Variants in ERICH5 observed in about 807,000 individuals in gnomAD.
ERICH5 encodes the protein glutamate rich 5, also known as glutamate-rich protein 5.
ERICH5 carries 24 observed loss-of-function variants against 28.0 expected under a neutral mutation model. The observed-to-expected ratio is 0.86, with a 90% CI of 0.62 to 1.21. The LOEUF is 1.21. Among genes scored for constraint, ERICH5 ranks in the 50% most tolerant of loss-of-function variants. ERICH5 has a pLI of 0.00. For missense variants in ERICH5, 421 were observed against 441.2 expected (o/e 0.95, Z 0.41); for synonymous variants, 163 against 157.6 (o/e 1.03, Z -0.25).
chr8:98,089,640 C>T lies in ERICH5; in HGVS notation c.623C>T (p.Thr208Ile). Residue 208 changes from threonine (T) to isoleucine (I), a missense_variant, in exon 2 of 3, where the codon ACA becomes ATA. Physicochemically the swap from Thr to Ile is moderately conservative, Grantham distance 89. Transcript: ENST00000318528. ...QIAGELQPQG[T>I]VGKDEQAPLL... ...GCTGGAGAGCTACAACCTCAGGGCA[C>T]AGTGGGAAAGGATGAGCAGGCCCCG... 6.2e-7 allele frequency: 1 copy of T among 1,614,006 alleles called. No individual in the cohort carries two copies. The highest frequency in any genetic ancestry group is 8.5e-7 in the Non-Finnish European group (1 of 1,179,958).
rs1563751214 is a variant in ERICH5 at position 98,064,676 on chromosome 8, TGCTCCAGCAGC to T, written c.10_20del (p.Ser4ProfsTer17). 1 of 1,535,220 alleles carries T rather than the reference TGCTCCAGCAGC, an allele frequency of 6.5e-7. No individual in the cohort carries two copies. Among genetic ancestry groups the T allele is most frequent in the African/African-American group, 1.4e-5 (1 of 72,892 alleles). ...GGTGTCTGCGCTCCCCGCAATGGGC[TGCTCCAGCAGC>T]GCCCTCAACAAGGCCGGCGACAGCA... On this transcript the variant is annotated frameshift_variant, in exon 1 of 3. Coordinates refer to ENST00000318528, the MANE Select transcript of ERICH5 (RefSeq NM_173549.3). LOFTEE classifies it high-confidence loss of function.
chr8:98,073,085 G>A (rs1483443684), intron 1 of ERICH5, among the ~76,000 whole-genome samples: 1 of 152,022 alleles, frequency 6.6e-6, no homozygotes, highest in African/African-American at 2.4e-5. Context: ...TCAACTGAAA[G>A]ACAGTATAGA....
At chr8:98,087,045 T>C (rs1815294649) in intron 1 of ERICH5, among the ~76,000 whole-genome samples, 2 of 151,510 alleles carry the variant, frequency 1.3e-5, no homozygotes, top group South Asian at 4.2e-4. Context: ...TTATCTTCCA[T>C]AGTAAAAGTT....
intron 1 of ERICH5, among the ~76,000 whole-genome samples, chr8:98,083,304 TATCACCAGACCATC>T (rs926803442): frequency 6.6e-6 from 1 of 152,214 alleles, no homozygotes; most frequent in African/African-American, 2.4e-5. Context: ...CTAAGGCAAT[TATCACCAGACCATC>T]ATTTGTGTGA....
At chr8:98,075,514 T>C (rs543406376) in intron 1 of ERICH5, among the ~76,000 whole-genome samples, 5 of 151,214 alleles carry the variant, frequency 3.3e-5, no homozygotes. Context: ...TTATGTTTCC[T>C]AAGCATGGAA....
chr8:98,089,991 G>T lies in ERICH5; in HGVS notation c.974G>T (p.Arg325Met). ...GCAGGAGCATATGTGGAAATGATCA[G>T]GAACATCCATACTAATGAAGAGGAC... ...VEAGAYVEMI[R>M]NIHTNEEDQR... Residue 325 changes from arginine to methionine, a missense_variant, in exon 2 of 3, where the codon AGG becomes ATG. Physicochemically the swap from Arg to Met is moderately conservative, Grantham distance 91. Transcript: ENST00000318528. 6.2e-7 allele frequency: 1 copy of T among 1,613,716 alleles called. No homozygotes were observed. The highest frequency in any genetic ancestry group is 8.5e-7 in the Non-Finnish European group (1 of 1,179,946).
intron 1 of ERICH5, among the ~76,000 whole-genome samples, chr8:98,087,924 A>T (rs914559360): frequency 2.0e-5 from 3 of 152,082 alleles, no homozygotes; most frequent in Non-Finnish European, 4.4e-5. Context: ...TTTTGCTGCT[A>T]TAAAAAACAA....
chr8:98,093,156 T>G lies in ERICH5; in HGVS notation c.1013-65T>G. 6 of 1,152,766 alleles carry G rather than the reference T, an allele frequency of 5.2e-6. No individual in the cohort carries two copies. The South Asian group carries it at 8.5e-5, about 16-fold the overall frequency. 71.4% of individuals were successfully genotyped at this position (1,152,766 alleles called of 1,614,324 possible). The stretch of plus-strand genomic sequence containing the variant: ...AGAACTGCCCCCATTGGAGACAAAC[T>G]GTGGGATAATTTATGTTAATTCTAA... On this transcript the variant is annotated intron_variant, in intron 2 of 2. Transcript: ENST00000318528.
At chr8:98,068,765 C>T (rs1436750652) in intron 1 of ERICH5, among the ~76,000 whole-genome samples, 1 of 152,088 alleles carries the variant, frequency 6.6e-6, no homozygotes, top group Non-Finnish European at 1.5e-5. Context: ...GTGTTACAGC[C>T]CAAGCACCAA....
chr8:98,091,836 TTTTCTTTC>T (rs3074382), intron 2 of ERICH5, among the ~76,000 whole-genome samples: 3,809 of 107,126 alleles, frequency 0.036, 115 homozygotes, highest in Non-Finnish European at 0.042. Context: ...TTCTTTTTCT[TTTTCTTTC>T]TTTCTTTCTT....
In ERICH5 at chr8:98,064,741, C is replaced by T. The variant is rs923752707; in HGVS notation, c.58+14C>T. The T allele has an allele frequency of 2.0e-6, 3 of 1,523,756 alleles. No homozygotes were observed. Among genetic ancestry groups the T allele is most frequent in the African/African-American group, 1.4e-5 (1 of 72,616 alleles). 94.4% of individuals were successfully genotyped at this position (1,523,756 alleles called of 1,614,324 possible). A position where few individuals can be genotyped will look rare whatever the true frequency, so the allele number is the denominator to read the frequency against. On this transcript the variant is annotated intron_variant, in intron 1 of 2. Transcript: ENST00000318528. ...GGTTCCCCAGCGGTGAGCAGGGTAC[C>T]GGCGCCGCCCGCGCCCGGGCTGGGG...
intron 1 of ERICH5, among the ~76,000 whole-genome samples, chr8:98,074,651 G>T (rs1815017549): frequency 1.3e-5 from 2 of 151,694 alleles, no homozygotes; most frequent in Admixed American, 1.3e-4. Flanking sequence ...CTCCTGCCTT[G>T]GCCTCCCTGC....
chr8:98,086,253 C>T lies in ERICH5; in HGVS notation c.59-2823C>T, dbSNP rs572290663. Among the ~76,000 whole-genome samples, 7 of 152,262 alleles carry T rather than the reference C, an allele frequency of 4.6e-5. No individual in the cohort carries two copies. In the South Asian group the frequency reaches 1.5e-3, roughly 32 times the overall value. On this transcript the variant is annotated intron_variant, in intron 1 of 2. Transcript: ENST00000318528. ...AAGCAGACAGACATGTGATAACTCACTTAACATGCCAAGGAAAGCTTAATT... is the reference window on the plus strand; with the variant it reads ...AAGCAGACAGACATGTGATAACTCATTTAACATGCCAAGGAAAGCTTAATT...
intron 1 of ERICH5, among the ~76,000 whole-genome samples, chr8:98,079,166 C>CTTTTTTTTTTTTTTTT (rs528062932): frequency 4.0e-5 from 3 of 75,574 alleles, no homozygotes; most frequent in African/African-American, 9.5e-5. Context: ...TTTTTTTTTC[C>CTTTTTTTTTTTTTTTT]TTTTTTTTTT....
intron 1 of ERICH5, among the ~76,000 whole-genome samples, chr8:98,071,262 A>C (rs1814913063): frequency 6.6e-6 from 1 of 152,088 alleles, no homozygotes; most frequent in African/African-American, 2.4e-5. Context: ...GGGTGACAAG[A>C]GCAAAACTCC....
At chr8:98,079,053 A>G (rs1409682308) in intron 1 of ERICH5, among the ~76,000 whole-genome samples, 1 of 151,720 alleles carries the variant, frequency 6.6e-6, no homozygotes, top group African/African-American at 2.4e-5. Flanking sequence ...CTTGGGTAAG[A>G]GGTAATGTGT....
chr8:98,093,250 A>C lies in ERICH5; in HGVS notation c.1042A>C (p.Met348Leu). The change falls in exon 3 of 3, where the codon ATG (methionine) becomes CTG (leucine). Residue 348 changes from methionine (M) to leucine (L), a missense_variant. Physicochemically the swap from Met to Leu is conservative, Grantham distance 15. Coordinates refer to ENST00000318528, the MANE Select transcript of ERICH5 (RefSeq NM_173549.3). ...GETGEKVETDMENEKVSEGAE... is the reference protein window; with the variant it reads ...GETGEKVETDLENEKVSEGAE... ...GACAGGGGAAAAGGTGGAAACAGACATGGAGAATGAGAAAGTGAGTGAAGG... is the reference window on the plus strand; with the variant it reads ...GACAGGGGAAAAGGTGGAAACAGACCTGGAGAATGAGAAAGTGAGTGAAGG... 6.2e-7 allele frequency: 1 copy of C among 1,614,006 alleles called. No homozygotes were observed. The highest frequency in any genetic ancestry group is 8.5e-7 in the Non-Finnish European group (1 of 1,179,932).
chr8:98,086,066 G>T (rs956364777), intron 1 of ERICH5, among the ~76,000 whole-genome samples: 1 of 152,000 alleles, frequency 6.6e-6, no homozygotes, highest in East Asian at 1.9e-4. Flanking sequence ...AAGCATCTTC[G>T]GAGGTGTTGG....
intron 1 of ERICH5, among the ~76,000 whole-genome samples, chr8:98,070,367 A>G (rs1382231736): frequency 6.6e-6 from 1 of 151,940 alleles, no homozygotes; most frequent in African/African-American, 2.4e-5. Context: ...TAAAGAAAAG[A>G]AAAAAGAGGC....
Sources: allele counts gnomAD v4.1 joint callset (sites outside exome capture counted in the v4.1 genomes callset), GRCh38; gene constraint gnomAD v4.1.1; transcripts MANE v1.5; gene names NCBI Gene and HGNC (gene_info 2026-07-23, HGNC 2026-07-21).